Variants in CLASP1 observed in about 807,000 individuals in gnomAD.
The protein encoded by CLASP1 is CLIP-associating protein 1.
In CLASP1, 38 loss-of-function variants were observed where a neutral mutation model predicts 192.3. The ratio of observed to expected loss-of-function variants is 0.20; its 90% confidence interval spans 0.15 to 0.26. The LOEUF (loss-of-function observed/expected upper bound fraction) is 0.26, where lower values mean the gene tolerates loss of function less well. Ranked by LOEUF, CLASP1 falls within the 10% of genes least tolerant of loss-of-function variation. CLASP1 has a pLI of 1.00. For synonymous variants in CLASP1, 691 were observed against 712.8 expected, an observed-to-expected ratio of 0.97 and a Z score of 0.49; for missense variants, 1,433 against 1,932.5, an observed-to-expected ratio of 0.74 and a Z score of 4.85.
chr2:121,627,875 A>C (rs2068683015), intron 1 of CLASP1, among the ~76,000 whole-genome samples: 2 of 152,214 alleles, frequency 1.3e-5, no homozygotes, highest in Non-Finnish European at 2.9e-5. Context: ...AATAATGTGG[A>C]ACATCACCTG....
chr2:121,634,336 C>T lies in CLASP1; in HGVS notation c.-286+15036G>A, dbSNP rs146592023. Among the ~76,000 whole-genome samples, 637 of 152,238 alleles carry T rather than the reference C, an allele frequency of 4.2e-3. 3 individuals are homozygous for T. The highest frequency in any genetic ancestry group is 0.015 in the African/African-American group (618 of 41,536). On this transcript the variant is annotated intron_variant, in intron 1 of 39. Transcript: ENST00000263710. ...ATCTCTAGTAATTACCTAGGATATA[C>T]CCTAGAATAACACTTTTATTTTAAT...
At chr2:121,339,590 A>C (rs572125365) in exon 40 of CLASP1, 1 of 152,320 alleles carries the variant, frequency 6.6e-6, no homozygotes, top group Non-Finnish European at 1.5e-5. Context: ...ATTAGGCTCT[A>C]AAGGTGTTTT....
chr2:121,530,529 C>T, intron 2 of CLASP1: 1 of 554,798 alleles, frequency 1.8e-6, no homozygotes. Flanking sequence ...ATGGAAAATA[C>T]TCGGTGAGGA....
intron 1 of CLASP1, among the ~76,000 whole-genome samples, chr2:121,608,732 C>T (rs984924608): frequency 2.6e-5 from 4 of 152,092 alleles, no homozygotes; most frequent in South Asian, 2.1e-4. Context: ...AAATTCAGAG[C>T]GGTTGGTTAC....
At chr2:121,392,158 T>C (rs1353697920) in intron 30 of CLASP1, among the ~76,000 whole-genome samples, 3 of 152,192 alleles carry the variant, frequency 2.0e-5, no homozygotes, top group African/African-American at 7.2e-5. Flanking sequence ...AAAACAAGGT[T>C]TGGGGGCTAA....
At chr2:121,431,924 AT>A (rs1411816666) in intron 19 of CLASP1, among the ~76,000 whole-genome samples, 6 of 152,016 alleles carry the variant, frequency 3.9e-5, no homozygotes, top group Non-Finnish European at 8.8e-5. Context: ...GATATACTTT[AT>A]TTTTTCCATA....
chr2:121,517,827 C>CTT (rs2094345214), intron 6 of CLASP1, among the ~76,000 whole-genome samples: 1 of 130,378 alleles, frequency 7.7e-6, no homozygotes, highest in Admixed American at 7.7e-5. Flanking sequence ...TACCACCACA[C>CTT]TCTAGCCTCA....
At chr2:121,609,230 T>C (rs947824915) in intron 1 of CLASP1, among the ~76,000 whole-genome samples, 1 of 152,230 alleles carries the variant, frequency 6.6e-6, no homozygotes, top group African/African-American at 2.4e-5. Context: ...GTCTCCCTAC[T>C]GTGATTTATA....
intron 32 of CLASP1, 22 bp downstream of exon 33, chr2:121,387,100 G>T: frequency 6.4e-7 from 1 of 1,571,654 alleles, no homozygotes; most frequent in Non-Finnish European, 8.8e-7. Context: ...TACATCTGTG[G>T]AAAGTAAAGA....
chr2:121,531,343 C>T (rs1207301772), intron 2 of CLASP1, among the ~76,000 whole-genome samples: 1 of 152,196 alleles, frequency 6.6e-6, no homozygotes, highest in Admixed American at 6.5e-5. Context: ...CGCCTGCAAT[C>T]CCAGCACTTT....
intron 7 of CLASP1, among the ~76,000 whole-genome samples, chr2:121,507,856 G>C (rs1325762515): frequency 2.0e-5 from 3 of 152,100 alleles, no homozygotes. Context: ...AGCCAGAGTG[G>C]AGCAGGGTGG....
Position 121,438,071 on chromosome 2 carries a change from G to T in CLASP1, c.1913-7894C>A, listed in dbSNP as rs564642367. ...TCTGTTTTTATTCTTTTTCTCTGCT[G>T]CCTCTCACTCATAATGGATATAACA... On this transcript the variant is annotated intron_variant, in intron 19 of 39. Transcript: ENST00000263710. 4.6e-5 allele frequency among the ~76,000 whole-genome samples: 7 copies of T among 152,184 alleles called. No homozygotes were observed. In the East Asian group the frequency reaches 1.4e-3, roughly 29 times the overall value.
chr2:121,608,309 T>G (rs1285829395), intron 1 of CLASP1, among the ~76,000 whole-genome samples: 1 of 152,238 alleles, frequency 6.6e-6, no homozygotes, highest in Non-Finnish European at 1.5e-5. Flanking sequence ...ATATTAAAAA[T>G]GGCCACAAAT....
intron 2 of CLASP1, chr2:121,531,059 A>T: frequency 1.4e-6 from 1 of 696,764 alleles, no homozygotes; most frequent in South Asian, 1.5e-5. Context: ...TAATTCGTAA[A>T]TAAACTAGTA....
In CLASP1 at chr2:121,530,996, A is replaced by G. The variant is rs558135361; in HGVS notation, c.196-671T>C. ...AGAGCTTTTGCTTTATTTTGGTGCA[A>G]TTTTTGGAAAAATGAAAACCTGTTT... On this transcript the variant is annotated intron_variant, in intron 2 of 39. Coordinates refer to ENST00000263710, the Ensembl canonical transcript of CLASP1. 4.7e-5 allele frequency: 33 copies of G among 700,158 alleles called. No homozygotes were observed. The highest frequency in any genetic ancestry group is 5.7e-5 in the Non-Finnish European group (22 of 384,772). 43.4% of individuals were successfully genotyped at this position (700,158 alleles called of 1,614,324 possible).
chr2:121,522,181 C>T (rs988943556), intron 6 of CLASP1, among the ~76,000 whole-genome samples: 9 of 152,126 alleles, frequency 5.9e-5, no homozygotes, highest in African/African-American at 2.2e-4. Context: ...ATTCCTAAGG[C>T]ACATGTGAAT....
intron 8 of CLASP1, among the ~76,000 whole-genome samples, chr2:121,499,723 T>C (rs2150219956): frequency 6.6e-6 from 1 of 152,208 alleles, no homozygotes; most frequent in Non-Finnish European, 1.5e-5. Flanking sequence ...TTCTTTAACC[T>C]TCATGTGCCC....
chr2:121,623,296 A>G (rs950056158), intron 1 of CLASP1, among the ~76,000 whole-genome samples: 8 of 152,216 alleles, frequency 5.3e-5, no homozygotes, highest in African/African-American at 1.9e-4. Flanking sequence ...TGAGATGATC[A>G]TGTTGGTCTT....
chr2:121,533,619 G>A (rs1056899851), intron 2 of CLASP1, among the ~76,000 whole-genome samples: 4 of 152,232 alleles, frequency 2.6e-5, no homozygotes, highest in African/African-American at 9.6e-5. Context: ...GGAATGAGGT[G>A]TTACCTGATT....
Sources: gnomAD v4.1 joint callset for allele counts (sites outside exome capture counted in the v4.1 genomes callset) on GRCh38, gnomAD v4.1.1 for gene constraint, MANE v1.5 for transcripts, NCBI Gene and HGNC (gene_info 2026-07-23, HGNC 2026-07-21) for gene names.